Variants in TIAM2 observed in about 807,000 individuals in gnomAD.
TIAM2 encodes the protein TIAM Rac1 associated GEF 2, also known as rho guanine nucleotide exchange factor TIAM2.
TIAM2 carries 80 observed loss-of-function variants against 152.9 expected under a neutral mutation model. The observed-to-expected ratio is 0.52, with a 90% CI of 0.44 to 0.63. The LOEUF (loss-of-function observed/expected upper bound fraction) is 0.63. Ranked by LOEUF, TIAM2 falls within the 30% of genes least tolerant of loss-of-function variation. The pLI, the probability that TIAM2 is intolerant of heterozygous loss-of-function variation, is 0.00. For synonymous variants in TIAM2, 804 were observed against 838.0 expected, an observed-to-expected ratio of 0.96 and a Z score of 0.70; for missense variants, 1,965 against 2,120.1, an observed-to-expected ratio of 0.93 and a Z score of 1.44.
At chr6:155,190,919 T>G (rs1018859471) in intron 14 of TIAM2, among the ~76,000 whole-genome samples, 1 of 152,266 alleles carries the variant, frequency 6.6e-6, no homozygotes, top group African/African-American at 2.4e-5. Flanking sequence ...TTTCTATTTT[T>G]TTCCTCCTTC....
chr6:155,166,581 C>T (rs1780443165), intron 9 of TIAM2, among the ~76,000 whole-genome samples: 1 of 152,152 alleles, frequency 6.6e-6, no homozygotes, highest in African/African-American at 2.4e-5. Context: ...CCTGGGCCTC[C>T]CAGAGTGCTG....
intron 23 of TIAM2, among the ~76,000 whole-genome samples, chr6:155,252,451 AGAGT>A (rs1255936207): frequency 6.6e-6 from 1 of 152,358 alleles, no homozygotes; most frequent in African/African-American, 2.4e-5. Flanking sequence ...CCTGTGCGAC[AGAGT>A]GAGACCCTGT....
In TIAM2 at chr6:155,110,316, T is replaced by TC. The variant is rs1778808872; in HGVS notation, c.-117-17174_-117-17173insC. ...CTTCCTTCTTCCTTTCCTCTTTCTT[T>TC]TCTTTTTTTTTTTGTTGTTCTTTCT... On this transcript the variant is annotated intron_variant, in intron 2 of 26. Transcript: ENST00000682666. 2.7e-5 allele frequency among the ~76,000 whole-genome samples: 3 copies of TC among 111,810 alleles called. No homozygotes were observed. The South Asian group carries it at 7.5e-4, about 28-fold the overall frequency. The allele number at this position is 111,810 out of a possible 152,430, so 73.4% of individuals were successfully genotyped here. A position where few individuals can be genotyped will look rare whatever the true frequency, so the allele number is the denominator to read the frequency against.
intron 9 of TIAM2, among the ~76,000 whole-genome samples, chr6:155,175,651 T>G (rs1206410680): frequency 6.6e-6 from 1 of 152,246 alleles, no homozygotes; most frequent in East Asian, 1.9e-4. Context: ...GTAGAGTCTG[T>G]GACTTTTGAT....
At chr6:155,254,393 G>A (rs749329380) in intron 25 of TIAM2, 26 bp from the exon 26 acceptor site, 37 of 1,607,026 alleles carry the variant, frequency 2.3e-5, no homozygotes, top group Middle Eastern at 1.6e-4. Flanking sequence ...GGACACTTCT[G>A]CTGTTTTCTC....
At chr6:155,049,373 A>C (rs993449791) in intron 1 of TIAM2, among the ~76,000 whole-genome samples, 1 of 152,122 alleles carries the variant, frequency 6.6e-6, no homozygotes, top group African/African-American at 2.4e-5. Flanking sequence ...CAGGTCATTC[A>C]TACCTGGACT....
At chr6:155,061,859 TTGTGG>T (rs1323962764) in intron 1 of TIAM2, among the ~76,000 whole-genome samples, 1 of 152,200 alleles carries the variant, frequency 6.6e-6, no homozygotes, top group East Asian at 1.9e-4. Context: ...AATTCACTTT[TTGTGG>T]TGTACAGTTT....
At chr6:155,036,162 G>T (rs571047347) in intron 1 of TIAM2, among the ~76,000 whole-genome samples, 2 of 152,112 alleles carry the variant, frequency 1.3e-5, no homozygotes, top group Non-Finnish European at 2.9e-5. Flanking sequence ...AAAGAATGTC[G>T]CATGAATAAA....
At chr6:155,253,441 A>G (rs1018607531) in intron 24 of TIAM2, 1 of 184,170 alleles carries the variant, frequency 5.4e-6, no homozygotes, top group Admixed American at 5.7e-5. Flanking sequence ...AAAGAAAAAA[A>G]TCTTTGACTC....
In TIAM2 at chr6:155,179,321, T is replaced by C. The variant is rs866868633; in HGVS notation, c.2629-57T>C. The C allele has an allele frequency of 1.9e-6, 3 of 1,571,472 alleles. No individual in the cohort carries two copies. The Middle Eastern group carries it at 5.0e-4, about 263-fold the overall frequency. On this transcript the variant is annotated intron_variant, in intron 11 of 26. Coordinates refer to ENST00000682666, the MANE Select transcript of TIAM2 (RefSeq NM_012454.4). ...TTTATGAAAAATAGTGTCAAAGTAA[T>C]TTTTTGAGGTATCATAACATGAGAT...
At chr6:155,202,065 CAGAAG>C (rs1164681448) in intron 14 of TIAM2, among the ~76,000 whole-genome samples, 1 of 152,158 alleles carries the variant, frequency 6.6e-6, no homozygotes, top group Non-Finnish European at 1.5e-5. Context: ...CAGATATGGT[CAGAAG>C]AGAAGACTGA....
intron 15 of TIAM2, chr6:155,216,965 C>A: frequency 1.6e-6 from 2 of 1,224,716 alleles, no homozygotes; most frequent in Admixed American, 3.3e-5. Flanking sequence ...GGATTTTTTT[C>A]ATTGCCTGGG....
chr6:155,137,539 C>G lies in TIAM2; in HGVS notation c.1557C>G (p.Val519=). 6.2e-7 allele frequency: 1 copy of G among 1,613,628 alleles called. No homozygotes were observed. Among genetic ancestry groups the G allele is most frequent in the Non-Finnish European group, 8.5e-7 (1 of 1,180,018 alleles). The change falls in exon 5 of 27, where the codon GTC becomes GTG. Residue 519 remains valine (V), a synonymous_variant. Coordinates refer to ENST00000682666, the MANE Select transcript of TIAM2 (RefSeq NM_012454.4). ...GGTGGCTCTTCTTCAAGCCCCTGGT[C>G]ACTGTGCAGAAGGAAAGGAAGCTTG... ...KAGWLFFKPL[V]TVQKERKLEL...
intron 2 of TIAM2, among the ~76,000 whole-genome samples, chr6:155,124,434 G>A (rs1372224113): frequency 6.6e-6 from 1 of 152,158 alleles, no homozygotes; most frequent in Non-Finnish European, 1.5e-5. Flanking sequence ...GCGTTTAAGT[G>A]ATTCTCTTGC....
chr6:155,067,458 A>G (rs1260421940), intron 1 of TIAM2, among the ~76,000 whole-genome samples: 1 of 152,160 alleles, frequency 6.6e-6, no homozygotes, highest in African/African-American at 2.4e-5. Flanking sequence ...TGTCTCTGGA[A>G]GAGGTCCATG....
At position 155,257,025 on chromosome 6, in the gene TIAM2, A is replaced by AAAT. The variant is rs1335717487; in HGVS notation, c.5011_5013dup (p.Asn1671dup). On this transcript the variant is annotated inframe_insertion, in exon 27 of 27. Coordinates refer to ENST00000682666, the MANE Select transcript of TIAM2 (RefSeq NM_012454.4). ...AGTCTGAAAATGCCACCATCGACCT[A>AAAT]AATTCTGTTCTAGAGCGAGAATTCA... 1 of 1,614,044 alleles carries AAAT rather than the reference A, an allele frequency of 6.2e-7. No individual in the cohort carries two copies. Among genetic ancestry groups the AAAT allele is most frequent in the Non-Finnish European group, 8.5e-7 (1 of 1,180,022 alleles).
chr6:155,211,181 T>A lies in TIAM2; in HGVS notation c.3065-23T>A, dbSNP rs375197250. The A allele has an allele frequency of 3.1e-6, 5 of 1,606,618 alleles. No homozygotes were observed. The African/African-American group carries it at 5.3e-5, about 17-fold the overall frequency. On this transcript the variant is annotated intron_variant, in intron 14 of 26. Transcript: ENST00000682666. ...CTCTGCAAATGGCCAAACTCATATATGTTTTTGTCATTTTTTATGCAGATT... is the reference window on the plus strand; with the variant it reads ...CTCTGCAAATGGCCAAACTCATATAAGTTTTTGTCATTTTTTATGCAGATT...
chr6:155,057,521 C>T, intron 1 of TIAM2, among the ~76,000 whole-genome samples: 1 of 116,224 alleles, frequency 8.6e-6, no homozygotes, highest in Non-Finnish European at 1.8e-5. Flanking sequence ...TAAAGTTACT[C>T]TTTTTCTTTC....
At chr6:155,035,645 G>A (rs1776909443) in intron 1 of TIAM2, among the ~76,000 whole-genome samples, 1 of 152,110 alleles carries the variant, frequency 6.6e-6, no homozygotes, top group African/African-American at 2.4e-5. Context: ...ATGTAACTTA[G>A]CCTCTTTTTT....
Sources: allele counts gnomAD v4.1 joint callset (sites outside exome capture counted in the v4.1 genomes callset), GRCh38; gene constraint gnomAD v4.1.1; transcripts MANE v1.5; gene names NCBI Gene and HGNC (gene_info 2026-07-23, HGNC 2026-07-21).